Variants in ANXA9 observed in about 807,000 individuals in gnomAD.
The protein encoded by ANXA9 is annexin A9.
A neutral mutation model predicts 51.8 loss-of-function variants in ANXA9; 47 were observed. The observed-to-expected ratio is 0.91, with a 90% confidence interval of 0.72 to 1.16. The LOEUF is 1.16. Ranked by LOEUF, ANXA9 falls within the 50% of genes most tolerant of loss-of-function variation. ANXA9 has a pLI of 0.00. For missense variants in ANXA9, 361 were observed against 424.7 expected, an observed-to-expected ratio of 0.85 and a Z score of 1.32; for synonymous variants, 154 against 168.7, an observed-to-expected ratio of 0.91 and a Z score of 0.68.
In ANXA9 at chr1:150,984,086, C is replaced by T; in HGVS notation, c.267+17C>T. On this transcript the variant is annotated intron_variant, in intron 5 of 13. Coordinates refer to ENST00000368947, the MANE Select transcript of ANXA9 (RefSeq NM_003568.3). ...ACCCAACAGGTGAGGCCATGCTGAC[C>T]TCCCACAGCAGTGGACTGGGGTGAG... The T allele has an allele frequency of 6.2e-7, 1 of 1,605,274 alleles. No homozygotes were observed.
chr1:150,986,106 G>A (rs587730337), intron 7 of ANXA9, among the ~76,000 whole-genome samples: 1 of 152,278 alleles, frequency 6.6e-6, no homozygotes, highest in East Asian at 1.9e-4. Flanking sequence ...TGCCCAGCAG[G>A]TTGGTGCTTG....
chr1:150,994,471 A>C (rs1571698213), intron 12 of ANXA9, 106 bp from the exon 13 acceptor site: 2 of 1,530,280 alleles, frequency 1.3e-6, no homozygotes, highest in East Asian at 2.3e-5. Flanking sequence ...TTATCCCTTG[A>C]CTCCCACCTT....
chr1:150,980,299 G>A (rs1671392036), upstream of ANXA9, among the ~76,000 whole-genome samples: 1 of 151,794 alleles, frequency 6.6e-6, no homozygotes, highest in African/African-American at 2.4e-5. Context: ...GGGAGGCGGA[G>A]GCAGGAGAAT....
rs587732338 is a variant in ANXA9, at chr1:150,988,869, C to T, written c.852+528C>T. On this transcript the variant is annotated intron_variant, in intron 12 of 13. Transcript: ENST00000368947. ...TACAGTCTCCCTACACAACACTTCA[C>T]GATGTAAGATATTGACCATCCTTGT... is the stretch of plus-strand genomic sequence containing the variant. Among the ~76,000 whole-genome samples, 4 of 152,254 alleles carry T rather than the reference C, an allele frequency of 2.6e-5. No individual in the cohort carries two copies. In the South Asian group the frequency reaches 6.2e-4, roughly 24 times the overall value.
At position 150,984,276 on chromosome 1, in the gene ANXA9, T is replaced by C. The variant is rs1207486880; in HGVS notation, c.268-5T>C. On this transcript the variant is annotated splice_polypyrimidine_tract_variant and splice_region_variant and intron_variant, in intron 5 of 13. Coordinates refer to ENST00000368947, the MANE Select transcript of ANXA9 (RefSeq NM_003568.3). ...TCCCTCTGCTGTGAGGACCATTTATTGTAGGACCTGATGAAGTCTCTACAG... is the reference window on the plus strand; with the variant it reads ...TCCCTCTGCTGTGAGGACCATTTATCGTAGGACCTGATGAAGTCTCTACAG... 1.2e-6 allele frequency: 2 copies of C among 1,613,416 alleles called. No individual in the cohort carries two copies. Among genetic ancestry groups the C allele is most frequent in the East Asian group, 2.2e-5 (1 of 44,896 alleles).
At chr1:150,986,304 G>A (rs1405157432) in intron 7 of ANXA9, 32 bp from the exon 8 acceptor site, 2 of 1,603,840 alleles carry the variant, frequency 1.2e-6, no homozygotes, top group East Asian at 2.2e-5. Flanking sequence ...GAAAACTCAG[G>A]AGGATTCAGA....
intron 4 of ANXA9, among the ~76,000 whole-genome samples, 191 bp downstream of exon 4, chr1:150,983,625 T>A (rs2102788192): frequency 6.6e-6 from 1 of 152,256 alleles, no homozygotes; most frequent in African/African-American, 2.4e-5. Context: ...GGCTTATTAT[T>A]TCCATTTTCC....
intron 12 of ANXA9, among the ~76,000 whole-genome samples, chr1:150,989,871 A>G (rs1171226698): frequency 6.6e-6 from 1 of 152,208 alleles, no homozygotes; most frequent in South Asian, 2.1e-4. Flanking sequence ...TAATGAGTCA[A>G]CACTAAGATT....
intron 12 of ANXA9, among the ~76,000 whole-genome samples, chr1:150,990,651 A>C (rs1024621408): frequency 7.9e-5 from 12 of 152,210 alleles, no homozygotes; most frequent in African/African-American, 9.6e-5. Flanking sequence ...GTTCAAGACC[A>C]GCCTGGCCAA....
intron 10 of ANXA9, 66 bp from the exon 11 acceptor site, chr1:150,988,025 G>A: frequency 1.2e-6 from 2 of 1,613,594 alleles, no homozygotes; most frequent in Non-Finnish European, 1.7e-6. Flanking sequence ...AGGTGGGGAG[G>A]GCCCATCCTT....
chr1:150,988,350 G>A lies in ANXA9; in HGVS notation c.852+9G>A. 1 of 1,613,780 alleles carries A rather than the reference G, an allele frequency of 6.2e-7. No individual in the cohort carries two copies. The highest frequency in any genetic ancestry group is 1.1e-5 in the South Asian group (1 of 91,054). ...TTCATCAAGCCCTCCAGGTGAGAGG[G>A]GCACTCCTTTCCCTCCCCAGAACAG... On this transcript the variant is annotated intron_variant, in intron 12 of 13. Transcript: ENST00000368947.
chr1:150,983,861 C>A, intron 4 of ANXA9, 114 bp from the exon 5 acceptor site: 1 of 963,490 alleles, frequency 1.0e-6, no homozygotes, highest in Non-Finnish European at 1.6e-6. Flanking sequence ...GGTGATATAG[C>A]CCCTGCTCCT....
In ANXA9 at chr1:150,983,311, C is replaced by T. The variant is rs587660109; in HGVS notation, c.76-27C>T. 3.7e-6 allele frequency: 6 copies of T among 1,611,850 alleles called. No individual in the cohort carries two copies. The East Asian group carries it at 1.1e-4, about 30-fold the overall frequency. On this transcript the variant is annotated intron_variant, in intron 3 of 13. Transcript: ENST00000368947. ...AGGTGTAGGCAGCCTGGCCCTGGCC[C>T]TTGCCAACTACCCTGTGCTCCCACA...
chr1:150,987,378 TCTCACACA>T (rs893812459), intron 9 of ANXA9, among the ~76,000 whole-genome samples: 1 of 64,330 alleles, frequency 1.6e-5, no homozygotes, highest in African/African-American at 4.2e-5. Context: ...TCTCTCTCTC[TCTCACACA>T]CACACACACA....
upstream of ANXA9, among the ~76,000 whole-genome samples, chr1:150,980,572 C>CTTTT (rs869295630): frequency 3.8e-4 from 34 of 89,076 alleles, no homozygotes; most frequent in Admixed American, 4.9e-4. Context: ...ACACAGATTA[C>CTTTT]TTTTTTTTTT....
At chr1:150,979,381 G>A (rs3754211), upstream of ANXA9, among the ~76,000 whole-genome samples, 82,308 of 151,790 alleles carry the variant, frequency 0.54, 23,041 homozygotes, top group African/African-American at 0.66. Flanking sequence ...ACAGAAAGCC[G>A]AGGGCCAGGG....
chr1:150,986,103 CA>C (rs1671549922), intron 7 of ANXA9, among the ~76,000 whole-genome samples: 1 of 152,122 alleles, frequency 6.6e-6, no homozygotes, highest in Non-Finnish European at 1.5e-5. Flanking sequence ...TCCTGCCCAG[CA>C]GGTTGGTGCT....
In ANXA9 at chr1:150,983,426, C is replaced by T; in HGVS notation, c.164C>T (p.Thr55Ile). 1.2e-6 allele frequency: 2 copies of T among 1,610,818 alleles called. No individual in the cohort carries two copies. Among genetic ancestry groups the T allele is most frequent in the Non-Finnish European group, 1.7e-6 (2 of 1,178,536 alleles). Reference protein sequence around the residue: ...KDAQRLLRAITGQGVDRSAIV... With the variant: ...KDAQRLLRAIIGQGVDRSAIV... The stretch of plus-strand genomic sequence containing the variant: ...GCGCAGAGGCTACTGAGGGCCATTA[C>T]TGGCCAAGGTGAGCCCCTTTCCCCC... The change falls in exon 4 of 14, where the codon ACT becomes ATT. Residue 55 changes from threonine to isoleucine, a missense_variant. Coordinates refer to ENST00000368947, the MANE Select transcript of ANXA9 (RefSeq NM_003568.3).
At chr1:150,990,704 AG>A (rs1269406063) in intron 12 of ANXA9, among the ~76,000 whole-genome samples, 2 of 152,110 alleles carry the variant, frequency 1.3e-5, no homozygotes, top group Non-Finnish European at 2.9e-5. Flanking sequence ...AAAATTAGCC[AG>A]GGGGTAGTGG....
Sources: gnomAD v4.1 joint callset for allele counts (sites outside exome capture counted in the v4.1 genomes callset) on GRCh38, gnomAD v4.1.1 for gene constraint, MANE v1.5 for transcripts, NCBI Gene and HGNC (gene_info 2026-07-23, HGNC 2026-07-21) for gene names.